PFKP: variants seen among roughly 807,000 people sequenced by gnomAD.
PFKP encodes ATP-dependent 6-phosphofructokinase, platelet type.
In PFKP, 101 loss-of-function variants were observed where a neutral mutation model predicts 94.3. The observed-to-expected ratio is 1.07, with a 90% CI of 0.91 to 1.26. The LOEUF (loss-of-function observed/expected upper bound fraction) is 1.26, where lower values mean the gene tolerates loss of function less well. PFKP is among the 50% of genes most tolerant of loss of function. The probability of loss-of-function intolerance (pLI) is 0.00; values close to 1 mark genes in which losing one functional copy is unlikely to be tolerated. For missense variants in PFKP, 1,145 were observed against 1,103.3 expected (o/e 1.04, Z -0.53); for synonymous variants, 573 against 432.6 (o/e 1.32, Z -4.03).
intron 1 of PFKP, among the ~76,000 whole-genome samples, chr10:3,075,172 G>T (rs1285871397): frequency 6.6e-6 from 1 of 152,132 alleles, no homozygotes; most frequent in Non-Finnish European, 1.5e-5. Context: ...ACCCTGGGTG[G>T]GCCAGGTGCT....
At chr10:3,107,460 G>T in intron 8 of PFKP, 151 bp downstream of exon 8, 1 of 614,872 alleles carries the variant, frequency 1.6e-6, no homozygotes, top group Non-Finnish European at 2.8e-6. Flanking sequence ...AAGTTGGACG[G>T]CAGGGGAAAC....
intron 3 of PFKP, 66 bp downstream of exon 3, chr10:3,099,418 C>T: frequency 7.9e-7 from 1 of 1,259,824 alleles, no homozygotes; most frequent in Non-Finnish European, 1.2e-6. Context: ...AGTAAATTCC[C>T]AGAACACTTG....
chr10:3,080,472 G>T (rs1477342381), intron 1 of PFKP, among the ~76,000 whole-genome samples: 1 of 129,312 alleles, frequency 7.7e-6, no homozygotes, highest in Non-Finnish European at 1.5e-5. Context: ...AGCCGAGATT[G>T]CACCACTGCA....
rs568502922 is a variant in PFKP, at chr10:3,115,231, C to T, written c.1372-1545C>T. On this transcript the variant is annotated intron_variant, in intron 13 of 21. Transcript: ENST00000381125. ...TGAGGCCAGGGTGAAAGTGTGTGTC[C>T]CACGGCCGAGGACAGGACTGGGGAT... Among the ~76,000 whole-genome samples the T allele has an allele frequency of 2.0e-5, 3 of 146,628 alleles. No homozygotes were observed. In the East Asian group the frequency reaches 5.9e-4, roughly 29 times the overall value.
In PFKP at chr10:3,119,899, T is replaced by A. The variant is rs1353205793; in HGVS notation, c.1538T>A (p.Leu513Gln). The A allele has an allele frequency of 8.7e-6, 14 of 1,613,974 alleles. No homozygotes were observed. The highest frequency in any genetic ancestry group is 1.2e-5 in the Non-Finnish European group (14 of 1,180,002). The change falls in exon 16 of 22, where the codon CTG becomes CAG. Residue 513 changes from leucine (L) to glutamine (Q), a missense_variant. Leu to Gln is a moderately radical substitution (Grantham distance 113, BLOSUM62 -2). Coordinates refer to ENST00000381125, the MANE Select transcript of PFKP (RefSeq NM_002627.5). ...CCCACGCTTGTCTGACAGGCCTACC[T>A]GGGACTCCTGGAGCTGTCAGCCGCC... is the stretch of plus-strand genomic sequence containing the variant. ...LLIIGGFEAY[L>Q]GLLELSAARE...
At chr10:3,114,873 T>C (rs888015182) in intron 13 of PFKP, among the ~76,000 whole-genome samples, 1 of 152,212 alleles carries the variant, frequency 6.6e-6, no homozygotes, top group African/African-American at 2.4e-5. Context: ...GAGCAGGGAC[T>C]GGCCCACACC....
intron 1 of PFKP, among the ~76,000 whole-genome samples, chr10:3,080,869 G>A (rs1341533604): frequency 6.6e-6 from 1 of 152,156 alleles, no homozygotes; most frequent in Non-Finnish European, 1.5e-5. Context: ...AGCCAGCAAG[G>A]GTGTTAGCAG....
intron 10 of PFKP, 57 bp from the exon 11 acceptor site, chr10:3,112,165 T>A (rs1836301680): frequency 2.1e-6 from 3 of 1,396,006 alleles, no homozygotes; most frequent in African/African-American, 2.8e-5. Context: ...ACCTACCCCA[T>A]CCATGATGCA....
chr10:3,136,517 AAGGCCAGCTATGACGTGTCGGACTC>A lies in PFKP; in HGVS notation c.2303_2327del (p.Tyr768TrpfsTer76), dbSNP rs780540762. The A allele has an allele frequency of 1.1e-5, 17 of 1,613,524 alleles. No homozygotes were observed. The highest frequency in any genetic ancestry group is 1.6e-4 in the Middle Eastern group (1 of 6,074). The stretch of plus-strand genomic sequence containing the variant: ...CCTCATGAAAATCCTGGCCAAGTAC[AAGGCCAGCTATGACGTGTCGGACTC>A]AGGCCAGCTGGAACATGTGCAGCCC... On this transcript the variant is annotated frameshift_variant, in exon 22 of 22. Transcript: ENST00000381125. LOFTEE classifies it low-confidence loss of function (END_TRUNC).
chr10:3,087,797 C>T (rs960947395), intron 2 of PFKP, among the ~76,000 whole-genome samples: 1 of 152,130 alleles, frequency 6.6e-6, no homozygotes, highest in Non-Finnish European at 1.5e-5. Context: ...ATTTCTTCAC[C>T]TTCCTCCAGT....
At chr10:3,068,941 C>T (rs1421925038) in intron 1 of PFKP, among the ~76,000 whole-genome samples, 1 of 152,306 alleles carries the variant, frequency 6.6e-6, no homozygotes, top group Non-Finnish European at 1.5e-5. Flanking sequence ...GGGATGCACC[C>T]CCTGCCCACT....
At chr10:3,112,540 G>C (rs1836353661) in intron 11 of PFKP, among the ~76,000 whole-genome samples, 1 of 152,194 alleles carries the variant, frequency 6.6e-6, no homozygotes, top group African/African-American at 2.4e-5. Context: ...TAAGGCACAA[G>C]GTGACTTGTG....
chr10:3,102,087 TA>T (rs1287999257), intron 4 of PFKP, among the ~76,000 whole-genome samples: 1 of 150,280 alleles, frequency 6.7e-6, no homozygotes, highest in Non-Finnish European at 1.5e-5. Context: ...CCGTCTCTAC[TA>T]AAAATACAAA....
intron 2 of PFKP, among the ~76,000 whole-genome samples, chr10:3,097,456 T>TAAG (rs748012873): frequency 1.4e-5 from 2 of 148,134 alleles, no homozygotes; most frequent in African/African-American, 4.9e-5. Context: ...GGGGAGACAA[T>TAAG]AATAATAATA....
At chr10:3,109,884 C>A (rs1697058874) in intron 10 of PFKP, among the ~76,000 whole-genome samples, 1 of 150,900 alleles carries the variant, frequency 6.6e-6, no homozygotes, top group Non-Finnish European at 1.5e-5. Flanking sequence ...GTGAGAGAGA[C>A]CCATGGGGCA....
intron 16 of PFKP, 170 bp from the exon 17 acceptor site, chr10:3,129,649 C>G: frequency 1.4e-6 from 1 of 714,050 alleles, no homozygotes; most frequent in Non-Finnish European, 2.3e-6. Flanking sequence ...TTCACACCCA[C>G]TCCGAGGGCA....
chr10:3,128,403 A>AGGAAATGACATTT (rs1348319537), intron 16 of PFKP, among the ~76,000 whole-genome samples: 2 of 152,200 alleles, frequency 1.3e-5, no homozygotes, highest in African/African-American at 2.4e-5. Flanking sequence ...TGTTTTCCTG[A>AGGAAATGACATTT]GGAAATGACA....
chr10:3,093,806 G>T (rs1334525817), intron 2 of PFKP, among the ~76,000 whole-genome samples: 1 of 151,984 alleles, frequency 6.6e-6, no homozygotes, highest in Non-Finnish European at 1.5e-5. Flanking sequence ...ACCACACCCG[G>T]CTAATTTTTT....
At chr10:3,111,131 AGT>A (rs924611598) in intron 10 of PFKP, among the ~76,000 whole-genome samples, 5 of 99,308 alleles carry the variant, frequency 5.0e-5, no homozygotes, top group East Asian at 2.4e-4. Flanking sequence ...TGTTTGAGAT[AGT>A]GTGTGCATGT....
Sources: allele counts gnomAD v4.1 joint callset (sites outside exome capture counted in the v4.1 genomes callset), GRCh38; gene constraint gnomAD v4.1.1; transcripts MANE v1.5; gene names NCBI Gene and HGNC (gene_info 2026-07-23, HGNC 2026-07-21).